The following UBE2D2 variants were observed in gnomAD, a reference collection of about 807,000 sequenced individuals.
UBE2D2 encodes the protein ubiquitin conjugating enzyme E2 D2.
A neutral mutation model predicts 24.2 loss-of-function variants in UBE2D2; 2 were observed. The observed-to-expected ratio is 0.08, with a 90% confidence interval of 0.03 to 0.26. UBE2D2 has a LOEUF of 0.26. Ranked by LOEUF, UBE2D2 falls within the 10% of genes least tolerant of loss-of-function variation. The pLI is 1.00. For missense variants in UBE2D2, 44 were observed against 177.6 expected (o/e 0.25, Z 4.28); for synonymous variants, 58 against 56.5 (o/e 1.03, Z -0.12).
At chr5:139,535,898 T>G (rs955073696) in intron 1 of UBE2D2, among the ~76,000 whole-genome samples, 3 of 151,906 alleles carry the variant, frequency 2.0e-5, no homozygotes, top group African/African-American at 7.3e-5. Context: ...CATTTTTTTC[T>G]TTTCTTTTTT....
intron 1 of UBE2D2, among the ~76,000 whole-genome samples, chr5:139,582,141 C>T (rs1753617441): frequency 6.6e-6 from 1 of 152,074 alleles, no homozygotes; most frequent in Admixed American, 6.6e-5. Context: ...TGTATAGGCA[C>T]TGCCGCCCAG....
At chr5:139,554,813 T>C (rs1416021779) in intron 1 of UBE2D2, 1 of 152,214 alleles carries the variant, frequency 6.6e-6, no homozygotes, top group Non-Finnish European at 1.5e-5. Context: ...TTCCAATTGC[T>C]GTACATCCTT....
intron 1 of UBE2D2, among the ~76,000 whole-genome samples, chr5:139,552,936 C>T (rs1262525744): frequency 6.6e-6 from 1 of 152,098 alleles, no homozygotes; most frequent in Non-Finnish European, 1.5e-5. Flanking sequence ...CCTGCCTTGG[C>T]CTCCCAAAGT....
chr5:139,579,549 C>T (rs1484731974), intron 1 of UBE2D2, among the ~76,000 whole-genome samples: 2 of 152,038 alleles, frequency 1.3e-5, no homozygotes, highest in Admixed American at 6.6e-5. Flanking sequence ...CTTGGCCTCC[C>T]AAAGTGCTGG....
chr5:139,628,300 C>G lies in UBE2D2; in HGVS notation c.*1499C>G, dbSNP rs955058197. The stretch of plus-strand genomic sequence containing the variant: ...ACTAGGCAAGTTACCTTTTTTCCCC[C>G]CTTCTTTTCCTAATTGTAAACTAGG... On this transcript the variant is annotated 3_prime_UTR_variant, in exon 7 of 7. Coordinates refer to ENST00000398733, the MANE Select transcript of UBE2D2 (RefSeq NM_003339.3). 3.3e-5 allele frequency: 5 copies of G among 152,674 alleles called. No individual in the cohort carries two copies. In the East Asian group the frequency reaches 7.7e-4, roughly 24 times the overall value. The allele number at this position is 152,674 out of a possible 1,614,324, so 9.5% of individuals were successfully genotyped here.
At chr5:139,590,980 G>A (rs1753834812) in intron 1 of UBE2D2, among the ~76,000 whole-genome samples, 2 of 151,166 alleles carry the variant, frequency 1.3e-5, no homozygotes, top group Non-Finnish European at 2.9e-5. Context: ...TTTTAGTAGA[G>A]AGGGGGGCGT....
At chr5:139,603,623 G>GAAAA (rs1169340176) in intron 2 of UBE2D2, among the ~76,000 whole-genome samples, 15 of 37,204 alleles carry the variant, frequency 4.0e-4, no homozygotes, top group African/African-American at 1.2e-3. Flanking sequence ...CTCTGTCTCC[G>GAAAA]AAAAAAAAAA....
intron 1 of UBE2D2, among the ~76,000 whole-genome samples, chr5:139,550,721 G>T (rs1274253362): frequency 6.6e-6 from 1 of 150,494 alleles, no homozygotes; most frequent in Non-Finnish European, 1.5e-5. Context: ...GGAGGAATGA[G>T]TAACTCCAGA....
intron 1 of UBE2D2, among the ~76,000 whole-genome samples, chr5:139,587,801 A>G (rs984662116): frequency 3.3e-5 from 5 of 152,110 alleles, no homozygotes; most frequent in African/African-American, 9.7e-5. Context: ...TGCCAGCTCA[A>G]ATGCCTGGGT....
rs147177142 is a variant in UBE2D2, at chr5:139,591,070, T to C, written c.25-9302T>C. Among the ~76,000 whole-genome samples, 1,153 of 150,910 alleles carry C rather than the reference T, an allele frequency of 7.6e-3. 8 individuals carry two copies. Among genetic ancestry groups the C allele is most frequent in the Middle Eastern group, 0.041 (12 of 292 alleles). ...CCTCAACATCCCAAAGTGCTGGGAT[T>C]ACAGGTGTGAGCCACTGTGCCCAAC... On this transcript the variant is annotated intron_variant, in intron 1 of 6. Coordinates refer to ENST00000398733, the MANE Select transcript of UBE2D2 (RefSeq NM_003339.3).
At chr5:139,580,125 C>G (rs1237297950) in intron 1 of UBE2D2, among the ~76,000 whole-genome samples, 2 of 151,958 alleles carry the variant, frequency 1.3e-5, no homozygotes, top group African/African-American at 4.8e-5. Context: ...CAGAGTCTCA[C>G]TCTTGTCACC....
chr5:139,625,440 C>T (rs796386177), intron 6 of UBE2D2, among the ~76,000 whole-genome samples: 179 of 5,282 alleles, frequency 0.034, 7 homozygotes, highest in Middle Eastern at 0.25. Context: ...ACCCCCCCCC[C>T]TTTTTTTTTT....
At chr5:139,560,843 G>A (rs1753060547), upstream of UBE2D2, among the ~76,000 whole-genome samples, 1 of 152,144 alleles carries the variant, frequency 6.6e-6, no homozygotes, top group African/African-American at 2.4e-5. Flanking sequence ...AACCCGAGCG[G>A]CTATGAGACA....
In UBE2D2 at chr5:139,561,578, G is replaced by A. The variant is rs1753093838; in HGVS notation, c.-214G>A. The A allele has an allele frequency of 4.5e-5, 19 of 423,268 alleles. No individual in the cohort carries two copies. In the South Asian group the frequency reaches 1.2e-3, roughly 26 times the overall value. 26.2% of individuals were successfully genotyped at this position (423,268 alleles called of 1,614,324 possible). ...CGGCTAGGGCGGCGGCGAATAAAGGGGCCGCCGCCGGGTGATGCGGTGACC... is the reference window on the plus strand; with the variant it reads ...CGGCTAGGGCGGCGGCGAATAAAGGAGCCGCCGCCGGGTGATGCGGTGACC... On this transcript the variant is annotated 5_prime_UTR_variant, in exon 1 of 7. Coordinates refer to ENST00000398733, the MANE Select transcript of UBE2D2 (RefSeq NM_003339.3).
At chr5:139,595,892 G>GTT (rs70988709) in intron 1 of UBE2D2, among the ~76,000 whole-genome samples, 97 of 98,842 alleles carry the variant, frequency 9.8e-4, no homozygotes, top group Non-Finnish European at 1.4e-3. Flanking sequence ...GTTTTTTGTT[G>GTT]TTTTTTTTTT....
intron 1 of UBE2D2, among the ~76,000 whole-genome samples, chr5:139,567,919 T>G (rs1753270046): frequency 6.6e-6 from 1 of 152,246 alleles, no homozygotes; most frequent in African/African-American, 2.4e-5. Flanking sequence ...ACTCTTCCAT[T>G]ATGATCTGTT....
At chr5:139,557,282 A>G (rs1309737959), upstream of UBE2D2, among the ~76,000 whole-genome samples, 6 of 151,240 alleles carry the variant, frequency 4.0e-5, no homozygotes, top group Admixed American at 2.0e-4. Context: ...TAAAGGCAGC[A>G]CCACCACGCC....
intron 1 of UBE2D2, among the ~76,000 whole-genome samples, chr5:139,542,948 G>A (rs1028613779): frequency 6.6e-5 from 10 of 152,178 alleles, no homozygotes; most frequent in Non-Finnish European, 1.5e-4. Context: ...CCAGGATGGA[G>A]TGCAGTGGCC....
Position 139,561,762 on chromosome 5 carries a change from C to T in UBE2D2, c.-30C>T. The T allele has an allele frequency of 1.3e-6, 2 of 1,493,142 alleles. No homozygotes were observed. Among genetic ancestry groups the T allele is most frequent in the Non-Finnish European group, 1.8e-6 (2 of 1,128,980 alleles). 92.5% of individuals were successfully genotyped at this position (1,493,142 alleles called of 1,614,324 possible). A position where few individuals can be genotyped will look rare whatever the true frequency, so the allele number is the denominator to read the frequency against. Reference sequence around the variant, plus strand: ...GTCCCTTCCCCGCCCCCGTCCCCGCCCCGGGGGCCGCCGCCACCCGCCTCC... The same window carrying T: ...GTCCCTTCCCCGCCCCCGTCCCCGCTCCGGGGGCCGCCGCCACCCGCCTCC... On this transcript the variant is annotated 5_prime_UTR_variant, in exon 1 of 7. Coordinates refer to ENST00000398733, the MANE Select transcript of UBE2D2 (RefSeq NM_003339.3).
Sources: gnomAD v4.1 joint callset for allele counts (sites outside exome capture counted in the v4.1 genomes callset) on GRCh38, gnomAD v4.1.1 for gene constraint, MANE v1.5 for transcripts, NCBI Gene and HGNC (gene_info 2026-07-23, HGNC 2026-07-21) for gene names.